Variants in CLCA1 observed in about 807,000 individuals in gnomAD.
CLCA1 encodes calcium-activated chloride channel regulator 1.
A neutral mutation model predicts 85.6 loss-of-function variants in CLCA1; 59 were observed. The ratio of observed to expected loss-of-function variants is 0.69; its 90% CI spans 0.56 to 0.86. CLCA1 has a LOEUF of 0.86. CLCA1 is among the 40% of genes least tolerant of loss of function. The pLI, the probability that CLCA1 is intolerant of heterozygous loss-of-function variation, is 0.00. For synonymous variants in CLCA1, 396 were observed against 398.3 expected, an observed-to-expected ratio of 0.99 and a Z score of 0.07; for missense variants, 1,022 against 1,101.4, an observed-to-expected ratio of 0.93 and a Z score of 1.02.
chr1:86,498,502 AAGAAAAC>A (rs5744427), intron 12 of CLCA1, 63 bp from the exon 13 acceptor site: 119,844 of 1,509,814 alleles, frequency 0.079, 5,249 homozygotes, highest in Middle Eastern at 0.17. Flanking sequence ...GTGATCTGAT[AAGAAAAC>A]AGACGGAGGT....
chr1:86,498,455 TG>T, intron 12 of CLCA1, 116 bp from the exon 13 acceptor site: 1 of 974,716 alleles, frequency 1.0e-6, no homozygotes, highest in Non-Finnish European at 1.5e-6. Flanking sequence ...ATTCTGTGTG[TG>T]GAAGGAAAGA....
At chr1:86,475,884 A>G (rs1647625474) in intron 3 of CLCA1, among the ~76,000 whole-genome samples, 1 of 152,210 alleles carries the variant, frequency 6.6e-6, no homozygotes, top group South Asian at 2.1e-4. Context: ...CATGTTGAGA[A>G]GTTGGACTTA....
chr1:86,492,420 T>C (rs2101745240), intron 9 of CLCA1, among the ~76,000 whole-genome samples: 1 of 137,494 alleles, frequency 7.3e-6, no homozygotes, highest in Non-Finnish European at 1.6e-5. Flanking sequence ...TTTTTGTATT[T>C]AAGAAACCTA....
At chr1:86,488,678 T>C (rs1442979699) in intron 7 of CLCA1, among the ~76,000 whole-genome samples, 1 of 152,292 alleles carries the variant, frequency 6.6e-6, no homozygotes, top group East Asian at 1.9e-4. Flanking sequence ...TGAAAGCCTA[T>C]CAAGGAGAGA....
intron 5 of CLCA1, among the ~76,000 whole-genome samples, chr1:86,483,783 A>C (rs980252367): frequency 6.6e-6 from 1 of 152,228 alleles, no homozygotes; most frequent in African/African-American, 2.4e-5. Context: ...ATTTTGAGGA[A>C]GCAAAATTTA....
chr1:86,495,696 T>G, intron 12 of CLCA1, 21 bp downstream of exon 12: 1 of 1,592,114 alleles, frequency 6.3e-7, no homozygotes, highest in Non-Finnish European at 8.6e-7. Flanking sequence ...TGTAATAACA[T>G]ACCTGGCTTG....
intron 1 of CLCA1, 81 bp downstream of exon 1, chr1:86,469,214 C>T: frequency 1.1e-6 from 1 of 886,948 alleles, no homozygotes; most frequent in Non-Finnish European, 1.7e-6. Context: ...CCTATTCCAG[C>T]TGCACGACAC....
intron 1 of CLCA1, among the ~76,000 whole-genome samples, chr1:86,473,068 C>T (rs1647545859): frequency 6.6e-6 from 1 of 152,142 alleles, no homozygotes; most frequent in Admixed American, 6.6e-5. Flanking sequence ...CACTTTGTTC[C>T]TCACCACAAC....
intron 8 of CLCA1, among the ~76,000 whole-genome samples, chr1:86,489,998 G>A (rs1019729782): frequency 1.3e-5 from 2 of 152,140 alleles, no homozygotes; most frequent in African/African-American, 2.4e-5. Flanking sequence ...GAAAGGATAG[G>A]GCCAGGGAAG....
intron 8 of CLCA1, among the ~76,000 whole-genome samples, chr1:86,490,451 A>G (rs536314146): frequency 6.6e-6 from 1 of 152,218 alleles, no homozygotes; most frequent in Non-Finnish European, 1.5e-5. Flanking sequence ...TCCTGTTTTT[A>G]TAATATACTA....
At chr1:86,490,877 G>A (rs192984055) in intron 8 of CLCA1, among the ~76,000 whole-genome samples, 13 of 134,576 alleles carry the variant, frequency 9.7e-5, no homozygotes, top group Admixed American at 5.5e-4. Flanking sequence ...ACCAGCCTGA[G>A]TAACATGGCA....
Position 86,493,536 on chromosome 1 carries a change from A to T in CLCA1, c.1617A>T (p.Gln539His). 6.2e-7 allele frequency: 1 copy of T among 1,614,192 alleles called. No individual in the cohort carries two copies. ...TCTGGGATCCCAGTGGACAGAAGCAAGGTGGCTTTGTAGTGGACAAAAACA... is the reference window on the plus strand; with the variant it reads ...TCTGGGATCCCAGTGGACAGAAGCATGGTGGCTTTGTAGTGGACAAAAACA... ...ILLWDPSGQK[Q>H]GGFVVDKNTK... Residue 539 changes from glutamine to histidine, a missense_variant, in exon 10 of 14, where the codon CAA becomes CAT. Gln to His is a conservative substitution (Grantham distance 24). Transcript: ENST00000394711.
At chr1:86,480,134 T>C (rs1427816946) in intron 4 of CLCA1, among the ~76,000 whole-genome samples, 4 of 152,116 alleles carry the variant, frequency 2.6e-5, no homozygotes, top group Non-Finnish European at 5.9e-5. Context: ...ATAACAAAAC[T>C]CTTTCAATGC....
At position 86,487,017 on chromosome 1, in the gene CLCA1, A is replaced by G. The variant is rs530885071; in HGVS notation, c.1182+264A>G. ...CTGCTATTTGGGCACATCACACTCA[A>G]TAGTGCTGTTCCAGTTTCCCATGTG... is the stretch of plus-strand genomic sequence containing the variant. On this transcript the variant is annotated intron_variant, in intron 7 of 13. Coordinates refer to ENST00000394711, the MANE Select transcript of CLCA1 (RefSeq NM_001285.4). 3.4e-4 allele frequency among the ~76,000 whole-genome samples: 52 copies of G among 152,286 alleles called. 2 individuals are homozygous for G. In the South Asian group the frequency reaches 0.01, roughly 30 times the overall value.
At chr1:86,483,698 G>T (rs1647880637) in intron 5 of CLCA1, among the ~76,000 whole-genome samples, 1 of 152,168 alleles carries the variant, frequency 6.6e-6, no homozygotes, top group Non-Finnish European at 1.5e-5. Flanking sequence ...TAATTCAGGT[G>T]CAGAGAGGTT....
chr1:86,496,896 A>G (rs1648303503), intron 12 of CLCA1, among the ~76,000 whole-genome samples: 2 of 151,978 alleles, frequency 1.3e-5, no homozygotes. Context: ...TGCCCAGCTA[A>G]GTTTTGTATT....
chr1:86,491,583 C>T (rs920584445), intron 9 of CLCA1, among the ~76,000 whole-genome samples: 5 of 152,100 alleles, frequency 3.3e-5, no homozygotes, highest in Non-Finnish European at 7.4e-5. Flanking sequence ...GAAGCAATAC[C>T]AAGTGAATTC....
chr1:86,470,262 T>C (rs1647465089), intron 1 of CLCA1, among the ~76,000 whole-genome samples: 1 of 151,892 alleles, frequency 6.6e-6, no homozygotes, highest in Non-Finnish European at 1.5e-5. Context: ...GGGAACAGAG[T>C]GGAGGGTGTC....
chr1:86,472,801 T>A (rs1647540923), intron 1 of CLCA1, among the ~76,000 whole-genome samples: 1 of 152,196 alleles, frequency 6.6e-6, no homozygotes, highest in South Asian at 2.1e-4. Context: ...AATAAATAAA[T>A]AATACCACAA....
Sources: allele counts gnomAD v4.1 joint callset (sites outside exome capture counted in the v4.1 genomes callset), GRCh38; gene constraint gnomAD v4.1.1; transcripts MANE v1.5; gene names NCBI Gene and HGNC (gene_info 2026-07-23, HGNC 2026-07-21).